The following MAGI1 variants were observed in gnomAD, a reference collection of about 807,000 sequenced individuals.
MAGI1 encodes the protein membrane associated guanylate kinase, WW and PDZ domain containing 1.
A neutral mutation model predicts 139.9 loss-of-function variants in MAGI1; 58 were observed. The ratio of observed to expected loss-of-function variants is 0.41; its 90% CI spans 0.34 to 0.52. The LOEUF (loss-of-function observed/expected upper bound fraction) is 0.52, where lower values mean the gene tolerates loss of function less well. MAGI1 is among the 20% of genes least tolerant of loss of function. MAGI1 has a pLI of 0.12. For missense variants in MAGI1, 1,874 were observed against 1,901.6 expected (o/e 0.99, Z 0.27); for synonymous variants, 812 against 737.9 (o/e 1.10, Z -1.63).
chr3:65,534,467 G>A (rs1407674802), intron 2 of MAGI1, among the ~76,000 whole-genome samples: 1 of 152,130 alleles, frequency 6.6e-6, no homozygotes, highest in Non-Finnish European at 1.5e-5. Context: ...TCCAGCCTCG[G>A]TGAGAGAGTG....
At chr3:66,030,657 G>C (rs1256814919) in intron 1 of MAGI1, among the ~76,000 whole-genome samples, 2 of 152,164 alleles carry the variant, frequency 1.3e-5, no homozygotes, top group African/African-American at 2.4e-5. Context: ...AAGCTCAAGA[G>C]ATAGCAAGCC....
At chr3:65,846,150 A>C (rs887817290) in intron 1 of MAGI1, among the ~76,000 whole-genome samples, 1 of 152,236 alleles carries the variant, frequency 6.6e-6, no homozygotes, top group African/African-American at 2.4e-5. Context: ...GGGACCAGGC[A>C]GCTATAAATC....
chr3:65,687,711 G>T, intron 1 of MAGI1: 1 of 529,210 alleles, frequency 1.9e-6, no homozygotes, highest in Non-Finnish European at 3.8e-6. Flanking sequence ...TTGCTGCCCT[G>T]GGAAACAAAG....
At chr3:65,903,400 T>A (rs907861527) in intron 1 of MAGI1, among the ~76,000 whole-genome samples, 2 of 152,068 alleles carry the variant, frequency 1.3e-5, no homozygotes, top group Admixed American at 6.6e-5. Flanking sequence ...GCAAGTAACT[T>A]CTCTCTAGAG....
intron 1 of MAGI1, among the ~76,000 whole-genome samples, chr3:65,864,652 G>T (rs1010640800): frequency 3.9e-5 from 6 of 152,174 alleles, no homozygotes; most frequent in Non-Finnish European, 8.8e-5. Flanking sequence ...GAGAGGAGAA[G>T]GTGAAGAATG....
At chr3:65,977,842 G>A (rs1354207411) in intron 1 of MAGI1, among the ~76,000 whole-genome samples, 4 of 152,026 alleles carry the variant, frequency 2.6e-5, no homozygotes, top group African/African-American at 4.8e-5. Context: ...AACCTGCCAC[G>A]TTCTTTGCCG....
intron 1 of MAGI1, among the ~76,000 whole-genome samples, chr3:65,758,540 A>C (rs1415029416): frequency 1.3e-5 from 2 of 152,110 alleles, no homozygotes; most frequent in African/African-American, 4.8e-5. Context: ...ATTAATTTCC[A>C]ATATATATTC....
intron 1 of MAGI1, among the ~76,000 whole-genome samples, chr3:65,802,711 G>A (rs1265537307): frequency 6.6e-6 from 1 of 152,140 alleles, no homozygotes; most frequent in Non-Finnish European, 1.5e-5. Context: ...ACTGAATTAG[G>A]TAAATATTAA....
At chr3:65,498,038 C>A (rs1410574406) in intron 2 of MAGI1, among the ~76,000 whole-genome samples, 2 of 152,060 alleles carry the variant, frequency 1.3e-5, no homozygotes, top group African/African-American at 2.4e-5. Flanking sequence ...CTCTATTCAC[C>A]GATGTTGTGG....
intron 1 of MAGI1, among the ~76,000 whole-genome samples, chr3:65,746,021 C>T (rs2035681990): frequency 6.6e-6 from 1 of 152,032 alleles, no homozygotes; most frequent in African/African-American, 2.4e-5. Context: ...TGAGCCACTG[C>T]ACCTGGCCAG....
At chr3:65,663,030 A>G (rs1325533576) in intron 1 of MAGI1, among the ~76,000 whole-genome samples, 3 of 152,188 alleles carry the variant, frequency 2.0e-5, no homozygotes, top group Non-Finnish European at 4.4e-5. Flanking sequence ...GTTTCAAAGG[A>G]GGTACACCTA....
At chr3:65,800,725 A>T (rs1490272267) in intron 1 of MAGI1, among the ~76,000 whole-genome samples, 5 of 152,162 alleles carry the variant, frequency 3.3e-5, no homozygotes, top group African/African-American at 4.8e-5. Flanking sequence ...ATAAAATAAA[A>T]TTTTTAAATA....
chr3:65,564,953 C>T (rs1416018604), intron 2 of MAGI1, among the ~76,000 whole-genome samples: 1 of 152,188 alleles, frequency 6.6e-6, no homozygotes, highest in Non-Finnish European at 1.5e-5. Flanking sequence ...CTCCTGAATA[C>T]TCTTACCCAG....
rs1219754140 is a variant in MAGI1, at chr3:65,670,342, A to ATG, written c.314-48256_314-48255dup. ...TACACACATATATAACACATATGCC[A>ATG]TGTGTGTATATATATATATACACAT... On this transcript the variant is annotated intron_variant, in intron 1 of 22. Coordinates refer to ENST00000402939, the MANE Select transcript of MAGI1 (RefSeq NM_001033057.2). 3.3e-4 allele frequency among the ~76,000 whole-genome samples: 39 copies of ATG among 119,512 alleles called. No individual in the cohort carries two copies. The East Asian group carries it at 4.2e-3, about 13-fold the overall frequency. 78.4% of individuals were successfully genotyped at this position (119,512 alleles called of 152,430 possible). A position where few individuals can be genotyped will look rare whatever the true frequency, so the allele number is the denominator to read the frequency against.
chr3:65,687,142 C>G (rs2088117639), intron 1 of MAGI1, among the ~76,000 whole-genome samples: 1 of 152,096 alleles, frequency 6.6e-6, no homozygotes, highest in South Asian at 2.1e-4. Context: ...ACCTGAAATC[C>G]AAGCTATCTT....
intron 2 of MAGI1, among the ~76,000 whole-genome samples, chr3:65,562,749 G>A (rs528570020): frequency 6.6e-6 from 1 of 152,270 alleles, no homozygotes; most frequent in East Asian, 1.9e-4. Context: ...TAAATTAAAA[G>A]CCCTTGTTCC....
intron 2 of MAGI1, among the ~76,000 whole-genome samples, chr3:65,599,797 T>A (rs899231793): frequency 6.6e-6 from 1 of 152,134 alleles, no homozygotes. Context: ...ATTAGTGAAA[T>A]GCAAACACCA....
chr3:66,006,755 T>C (rs1008513041), intron 1 of MAGI1, among the ~76,000 whole-genome samples: 3 of 152,124 alleles, frequency 2.0e-5, no homozygotes, highest in African/African-American at 7.2e-5. Context: ...GAGTTTTAAA[T>C]TTTTGTTTCA....
At chr3:65,708,669 T>C (rs2030819137) in intron 1 of MAGI1, among the ~76,000 whole-genome samples, 1 of 151,106 alleles carries the variant, frequency 6.6e-6, no homozygotes, top group African/African-American at 2.4e-5. Context: ...AGGAGAATGA[T>C]GGCAAGAGAG....
Sources: gnomAD v4.1 joint callset for allele counts (sites outside exome capture counted in the v4.1 genomes callset) on GRCh38, gnomAD v4.1.1 for gene constraint, MANE v1.5 for transcripts, NCBI Gene and HGNC (gene_info 2026-07-23, HGNC 2026-07-21) for gene names.